The following CXADR variants were observed in gnomAD, a reference collection of about 807,000 sequenced individuals.
The protein encoded by CXADR is CXADR cell adhesion molecule, also known as coxsackievirus and adenovirus receptor.
A neutral mutation model predicts 40.3 loss-of-function variants in CXADR; 20 were observed. The ratio of observed to expected loss-of-function variants is 0.50; its 90% CI spans 0.35 to 0.72. The LOEUF is 0.72. Among genes scored for constraint, CXADR ranks in the 30% least tolerant of loss-of-function variants. CXADR has a pLI of 0.01. For synonymous variants in CXADR, 150 were observed against 161.3 expected, an observed-to-expected ratio of 0.93 and a Z score of 0.53; for missense variants, 332 against 449.1, an observed-to-expected ratio of 0.74 and a Z score of 2.36.
At chr21:17,632,696 T>C in the CXADR span, among the ~76,000 whole-genome samples, 2 of 151,914 alleles carry the variant, frequency 1.3e-5, no homozygotes, top group African/African-American at 2.4e-5. Context: ...TGAAACCCCA[T>C]CTCTACTAAA....
rs929690274 is a variant in CXADR, at chr21:17,569,355, G to C, written c.*3663G>C. On this transcript the variant is annotated 3_prime_UTR_variant, in exon 7 of 7. Coordinates refer to ENST00000284878, the MANE Select transcript of CXADR (RefSeq NM_001338.5). ...CAATTTTAACTTCTTAGTGGCTTGT[G>C]ACATTATATATTATATATATATATG... The C allele has an allele frequency of 1.0e-6, 1 of 977,708 alleles. No homozygotes were observed. Among genetic ancestry groups the C allele is most frequent in the Non-Finnish European group, 1.2e-6 (1 of 826,794 alleles). 60.6% of individuals were successfully genotyped at this position (977,708 alleles called of 1,614,324 possible).
At chr21:17,628,793 G>A in the CXADR span, among the ~76,000 whole-genome samples, 1 of 152,110 alleles carries the variant, frequency 6.6e-6, no homozygotes, top group Non-Finnish European at 1.5e-5. Flanking sequence ...GTGAGCCACC[G>A]TGCCCGGCCA....
At chr21:17,564,732 ATTAT>A (rs1217973869) in intron 6 of CXADR, among the ~76,000 whole-genome samples, 2 of 151,976 alleles carry the variant, frequency 1.3e-5, no homozygotes. Context: ...TTTAAAATTT[ATTAT>A]TTATTTCTCT....
chr21:17,544,062 A>G (rs1445928980), intron 1 of CXADR, among the ~76,000 whole-genome samples: 1 of 152,194 alleles, frequency 6.6e-6, no homozygotes, highest in Non-Finnish European at 1.5e-5. Flanking sequence ...GTTTCACCAT[A>G]AAATTTATAG....
At chr21:17,544,051 A>G (rs2060862469) in intron 1 of CXADR, among the ~76,000 whole-genome samples, 1 of 152,210 alleles carries the variant, frequency 6.6e-6, no homozygotes, top group African/African-American at 2.4e-5. Context: ...CACCTAAGTC[A>G]GTTTCACCAT....
At chr21:17,615,685 C>T in the CXADR span, among the ~76,000 whole-genome samples, 39 of 152,260 alleles carry the variant, frequency 2.6e-4, no homozygotes, top group Middle Eastern at 3.4e-3. Flanking sequence ...TTCCATTTCA[C>T]AGCTAACTTT....
the CXADR span, chr21:17,604,144 CATA>C: frequency 7.8e-7 from 1 of 1,283,184 alleles, no homozygotes; most frequent in Non-Finnish European, 1.0e-6. Flanking sequence ...CAGTCACTTA[CATA>C]ATCAAAAAGG....
the CXADR span, among the ~76,000 whole-genome samples, chr21:17,616,335 CTT>C: frequency 1.7e-3 from 209 of 122,800 alleles, no homozygotes; most frequent in Non-Finnish European, 2.6e-3. Flanking sequence ...ATACAAAAGT[CTT>C]TTTTTTTTTT....
chr21:17,619,862 T>C, the CXADR span, among the ~76,000 whole-genome samples: 17 of 149,868 alleles, frequency 1.1e-4, no homozygotes, highest in African/African-American at 4.2e-4. Context: ...TCCATAAACC[T>C]CATGGACCAA....
chr21:17,627,357 G>A, the CXADR span, among the ~76,000 whole-genome samples: 138 of 151,368 alleles, frequency 9.1e-4, no homozygotes, highest in African/African-American at 3.2e-3. Context: ...ACTTCACCTC[G>A]AAAAAAAAGA....
chr21:17,578,613 G>A (rs910114816), intron 7 of CXADR, among the ~76,000 whole-genome samples: 18 of 152,210 alleles, frequency 1.2e-4, no homozygotes, highest in Admixed American at 7.2e-4. Context: ...AAGGCAGGCA[G>A]AGCCCAGGAG....
At chr21:17,561,200 C>A (rs1032224820) in intron 5 of CXADR, 138 bp from the exon 6 acceptor site, 2 of 564,638 alleles carry the variant, frequency 3.5e-6, no homozygotes, top group Non-Finnish European at 5.8e-6. Flanking sequence ...ATGAATTTTT[C>A]CCCCGGATCA....
intron 7 of CXADR, among the ~76,000 whole-genome samples, chr21:17,584,780 G>A (rs970271198): frequency 1.2e-4 from 19 of 152,156 alleles, no homozygotes; most frequent in Admixed American, 6.6e-5. Flanking sequence ...GCAGTGAGCC[G>A]AGATTGCACC....
chr21:17,551,974 TTAACG>T (rs762386005), intron 3 of CXADR, 21 bp downstream of exon 3: 3 of 1,565,132 alleles, frequency 1.9e-6, no homozygotes, highest in Non-Finnish European at 2.6e-6. Flanking sequence ...TTTATTTGTG[TTAACG>T]GGTTACTGAG....
intron 7 of CXADR, among the ~76,000 whole-genome samples, chr21:17,587,502 A>T (rs1176170439): frequency 1.3e-5 from 2 of 152,148 alleles, no homozygotes; most frequent in African/African-American, 4.8e-5. Flanking sequence ...GATGATGAGC[A>T]TTTTTTCATG....
At chr21:17,529,492 TG>T (rs1748553828) in intron 1 of CXADR, among the ~76,000 whole-genome samples, 1 of 152,164 alleles carries the variant, frequency 6.6e-6, no homozygotes, top group Non-Finnish European at 1.5e-5. Context: ...TGCTAATTTT[TG>T]TATTTTTAAT....
intron 3 of CXADR, among the ~76,000 whole-genome samples, chr21:17,557,302 C>T (rs150248106): frequency 6.6e-5 from 10 of 152,316 alleles, no homozygotes; most frequent in African/African-American, 2.2e-4. Context: ...TTTCTCTACC[C>T]ATCCTTTACT....
At chr21:17,576,341 C>A (rs960954253) in intron 7 of CXADR, among the ~76,000 whole-genome samples, 1 of 152,094 alleles carries the variant, frequency 6.6e-6, no homozygotes, top group African/African-American at 2.4e-5. Flanking sequence ...TTAGACAAAC[C>A]ACTTAACCTC....
At chr21:17,581,863 T>C (rs1040850554) in intron 7 of CXADR, among the ~76,000 whole-genome samples, 2 of 132,754 alleles carry the variant, frequency 1.5e-5, no homozygotes, top group African/African-American at 5.6e-5. Context: ...AAAAAAAAAT[T>C]ATATTTTTGA....
Sources: allele counts gnomAD v4.1 joint callset (sites outside exome capture counted in the v4.1 genomes callset), GRCh38; gene constraint gnomAD v4.1.1; transcripts MANE v1.5; gene names NCBI Gene and HGNC (gene_info 2026-07-23, HGNC 2026-07-21).